PCDH11X: variants seen among roughly 807,000 people sequenced by gnomAD.
PCDH11X encodes the protein protocadherin 11 X-linked, also known as protocadherin-11 X-linked.
PCDH11X carries 18 observed loss-of-function variants against 53.3 expected under a neutral mutation model. The observed-to-expected ratio is 0.34, with a 90% CI of 0.23 to 0.50. The LOEUF (loss-of-function observed/expected upper bound fraction) is 0.50. PCDH11X is among the 20% of genes least tolerant of loss of function. PCDH11X has a pLI of 0.98. For missense variants in PCDH11X, 570 were observed against 1,032.4 expected (o/e 0.55, Z 6.14); for synonymous variants, 279 against 393.3 (o/e 0.71, Z 3.44).
intron 9 of PCDH11X, among the ~76,000 whole-genome samples, chrX:92,401,611 A>G (rs2071388682): frequency 8.9e-6 from 1 of 112,269 alleles, no homozygotes; most frequent in Non-Finnish European, 1.9e-5. Flanking sequence ...TTCCACAGGA[A>G]GCATAAGGAC....
chrX:92,045,164 G>T (rs1056243224), intron 6 of PCDH11X, among the ~76,000 whole-genome samples: 1 of 108,905 alleles, frequency 9.2e-6, no homozygotes, highest in Non-Finnish European at 1.9e-5. Flanking sequence ...ATTTCAAGAC[G>T]TTCATGATGT....
intron 6 of PCDH11X, among the ~76,000 whole-genome samples, chrX:91,915,313 T>C (rs909036124): frequency 5.7e-5 from 6 of 104,912 alleles, no homozygotes; most frequent in African/African-American, 1.7e-4. Context: ...ACAACTAACA[T>C]GATGAGTAAA....
chrX:92,408,087 G>T (rs1222729818), intron 9 of PCDH11X, among the ~76,000 whole-genome samples: 3 of 110,587 alleles, frequency 2.7e-5, no homozygotes, highest in African/African-American at 9.9e-5. Context: ...GTTTTACCAT[G>T]TTGGCCAAGC....
At chrX:92,331,319 C>CTTCTTCTTCTTCTTCTTCTTCTTCT (rs1369843764) in intron 8 of PCDH11X, among the ~76,000 whole-genome samples, 60 of 28,708 alleles carry the variant, frequency 2.1e-3, no homozygotes, top group Middle Eastern at 0.023. Context: ...CTTCTTCTTC[C>CTTCTTCTTCTTCTTCTTCTTCTTCT]TCTTCTTCTT....
At chrX:91,933,950 G>A (rs896702232) in intron 6 of PCDH11X, among the ~76,000 whole-genome samples, 1 of 109,747 alleles carries the variant, frequency 9.1e-6, no homozygotes, top group African/African-American at 3.3e-5. Flanking sequence ...ATTCTTAATG[G>A]CCCTTTCGTT....
At chrX:92,210,532 C>A (rs1208593870) in intron 7 of PCDH11X, among the ~76,000 whole-genome samples, 1 of 110,794 alleles carries the variant, frequency 9.0e-6, no homozygotes, top group Non-Finnish European at 1.9e-5. Context: ...AGCAACTGTG[C>A]CCGGCCCCCG....
At chrX:92,420,527 C>A (rs761141429) in intron 9 of PCDH11X, 7 of 354,744 alleles carry the variant, frequency 2.0e-5, no homozygotes, top group Non-Finnish European at 3.2e-5. Flanking sequence ...CTTTCTTTAT[C>A]CTTCATCCCA....
chrX:92,383,732 A>G (rs902923346), intron 8 of PCDH11X, among the ~76,000 whole-genome samples: 2 of 111,799 alleles, frequency 1.8e-5, no homozygotes, highest in Admixed American at 1.9e-4. Context: ...TCATTGTTGG[A>G]CATTTGGGTT....
chrX:92,604,758 A>G (rs997079668), intron 10 of PCDH11X, among the ~76,000 whole-genome samples: 29 of 109,683 alleles, frequency 2.6e-4, no homozygotes, highest in African/African-American at 8.4e-4. Flanking sequence ...TATACTATGT[A>G]AGTAAGAATC....
At chrX:91,973,085 A>G (rs1277943464) in intron 6 of PCDH11X, among the ~76,000 whole-genome samples, 1 of 109,923 alleles carries the variant, frequency 9.1e-6, no homozygotes, top group African/African-American at 3.3e-5. Flanking sequence ...TGGCACAAAT[A>G]CACCATGGAA....
chrX:92,393,749 T>C (rs1273656749), intron 9 of PCDH11X, among the ~76,000 whole-genome samples: 1 of 110,683 alleles, frequency 9.0e-6, no homozygotes, highest in African/African-American at 3.3e-5. Flanking sequence ...TATATATAAA[T>C]AGGTTATAAA....
intron 8 of PCDH11X, among the ~76,000 whole-genome samples, chrX:92,350,647 C>T (rs2070022511): frequency 1.8e-5 from 2 of 111,637 alleles, no homozygotes; most frequent in Middle Eastern, 4.6e-3. Flanking sequence ...CTCAGGATGT[C>T]TATGGATTCT....
intron 8 of PCDH11X, among the ~76,000 whole-genome samples, chrX:92,376,665 C>T (rs144564014): frequency 0.014 from 1,515 of 111,812 alleles, 26 homozygotes; most frequent in African/African-American, 0.047. Flanking sequence ...AGCAAATGTT[C>T]GGAGTGCGCT....
chrX:91,884,206 A>AG (rs1940089034), intron 6 of PCDH11X, among the ~76,000 whole-genome samples: 1 of 109,214 alleles, frequency 9.2e-6, no homozygotes, highest in African/African-American at 3.3e-5. Flanking sequence ...AAAAAAAAAA[A>AG]AAAAAAGAAA....
intron 7 of PCDH11X, among the ~76,000 whole-genome samples, chrX:92,257,956 C>T (rs2067630877): frequency 1.8e-5 from 2 of 112,287 alleles, no homozygotes; most frequent in South Asian, 7.5e-4. Context: ...AGAGGTTCTC[C>T]ATGAGGGCTC....
At position 91,855,808 on chromosome X, in the gene PCDH11X, T is replaced by C. The variant is rs775831303; in HGVS notation, c.540+19764T>C. Among the ~76,000 whole-genome samples, 70 of 111,752 alleles carry C rather than the reference T, an allele frequency of 6.3e-4. 1 individual carries two copies. The highest frequency in any genetic ancestry group is 2.2e-3 in the African/African-American group (67 of 30,812). On this transcript the variant is annotated intron_variant, in intron 5 of 10. Transcript: ENST00000682573. Reference sequence around the variant, plus strand: ...AAATTCTTTGTCACATTGGTCGCTGTTGGCATATAGAAGTGGTATTGATTT... The same window carrying C: ...AAATTCTTTGTCACATTGGTCGCTGCTGGCATATAGAAGTGGTATTGATTT...
At chrX:92,489,274 A>G (rs1344820661) in intron 10 of PCDH11X, among the ~76,000 whole-genome samples, 1 of 109,558 alleles carries the variant, frequency 9.1e-6, no homozygotes, top group Non-Finnish European at 1.9e-5. Context: ...CCAAAAAAAG[A>G]AAACAAGGCA....
chrX:92,101,726 T>A (rs1185859257), intron 6 of PCDH11X, among the ~76,000 whole-genome samples: 3 of 110,152 alleles, frequency 2.7e-5, no homozygotes, highest in Non-Finnish European at 3.8e-5. Flanking sequence ...TATTTTAGTT[T>A]CCTGACTCGG....
chrX:92,163,620 G>C (rs760209579), intron 6 of PCDH11X, among the ~76,000 whole-genome samples: 5 of 111,524 alleles, frequency 4.5e-5, no homozygotes, highest in Non-Finnish European at 9.4e-5. Context: ...CCCCAGTGAG[G>C]GCGTGTGTTT....
Sources: allele counts gnomAD v4.1 joint callset (sites outside exome capture counted in the v4.1 genomes callset), GRCh38; gene constraint gnomAD v4.1.1; transcripts MANE v1.5; gene names NCBI Gene and HGNC (gene_info 2026-07-23, HGNC 2026-07-21).